Variants in PRMT2 observed in about 807,000 individuals in gnomAD.
PRMT2 encodes protein arginine methyltransferase 2.
A neutral mutation model predicts 57.6 loss-of-function variants in PRMT2; 26 were observed. The ratio of observed to expected loss-of-function variants is 0.45; its 90% confidence interval spans 0.33 to 0.63. PRMT2 has a LOEUF of 0.63. Ranked by LOEUF, PRMT2 falls within the 20% of genes least tolerant of loss-of-function variation. The pLI is 0.02. For missense variants in PRMT2, 472 were observed against 564.4 expected (o/e 0.84, Z 1.66); for synonymous variants, 219 against 220.0 (o/e 1.00, Z 0.04).
intron 3 of PRMT2, among the ~76,000 whole-genome samples, chr21:46,639,370 T>C (rs750821950): frequency 1.4e-4 from 21 of 152,172 alleles, no homozygotes; most frequent in Non-Finnish European, 2.9e-4. Flanking sequence ...AAATGTGTTA[T>C]TAGTATTGTT....
intron 7 of PRMT2, chr21:46,653,324 A>C (rs2148991032): frequency 1.0e-6 from 1 of 985,474 alleles, no homozygotes; most frequent in Middle Eastern, 5.2e-4. Flanking sequence ...GTGGCCAGTA[A>C]GAATTTAATT....
In PRMT2 at chr21:46,652,502, T is replaced by G; in HGVS notation, c.654+2763T>G. 4.1e-6 allele frequency: 4 copies of G among 985,408 alleles called. No individual in the cohort carries two copies. The South Asian group carries it at 1.9e-4, about 46-fold the overall frequency. 61.0% of individuals were successfully genotyped at this position (985,408 alleles called of 1,614,324 possible). A position where few individuals can be genotyped will look rare whatever the true frequency, so the allele number is the denominator to read the frequency against. On this transcript the variant is annotated intron_variant, in intron 7 of 11. Coordinates refer to ENST00000355680, the MANE Select transcript of PRMT2 (RefSeq NM_206962.4). Reference sequence around the variant, plus strand: ...ATGCCAGAGGCCAGGAGCTTGAACGTTGTTCAATGCCACCAACAATTTGAA... The same window carrying G: ...ATGCCAGAGGCCAGGAGCTTGAACGGTGTTCAATGCCACCAACAATTTGAA...
chr21:46,659,913 A>G, intron 8 of PRMT2: 1 of 985,468 alleles, frequency 1.0e-6, no homozygotes, highest in Non-Finnish European at 1.2e-6. Flanking sequence ...AAAGCTTGGC[A>G]GAATAAACCG....
At chr21:46,654,547 A>G (rs1468282731) in intron 7 of PRMT2, among the ~76,000 whole-genome samples, 2 of 152,228 alleles carry the variant, frequency 1.3e-5, no homozygotes, top group Non-Finnish European at 2.9e-5. Context: ...GAAGACAAGA[A>G]TTTGAAGTAC....
Position 46,648,624 on chromosome 21 carries a change from G to A in PRMT2, c.489+5G>A, listed in dbSNP as rs1253145086. On this transcript the variant is annotated splice_donor_5th_base_variant and intron_variant, in intron 6 of 11. Transcript: ENST00000355680. The surrounding 1 kb of genome is among the most constrained non-coding windows in gnomAD (Gnocchi z 4.8). ...CACTATGCGCGGCCTAGAGCGGTGAGTGGGGTCTCGAGCGCATCCCGGGTG... is the reference window on the plus strand; with the variant it reads ...CACTATGCGCGGCCTAGAGCGGTGAATGGGGTCTCGAGCGCATCCCGGGTG... The A allele has an allele frequency of 6.2e-7, 1 of 1,611,068 alleles. No homozygotes were observed. The highest frequency in any genetic ancestry group is 2.2e-5 in the East Asian group (1 of 44,778).
chr21:46,660,401 C>T (rs1403170348), intron 8 of PRMT2, among the ~76,000 whole-genome samples: 2 of 152,234 alleles, frequency 1.3e-5, no homozygotes. Context: ...AGCAGGAATA[C>T]CGCGTTCATT....
intron 8 of PRMT2, chr21:46,660,098 T>G (rs2149000633): frequency 2.1e-6 from 2 of 971,282 alleles, no homozygotes; most frequent in South Asian, 9.5e-5. Flanking sequence ...AAAATAAATG[T>G]GTAAATATAG....
intron 7 of PRMT2, chr21:46,652,175 C>T: frequency 7.0e-7 from 1 of 1,423,744 alleles, no homozygotes; most frequent in Non-Finnish European, 9.2e-7. Flanking sequence ...CTAAAATAAA[C>T]CTCAGATGGG....
intron 7 of PRMT2, among the ~76,000 whole-genome samples, chr21:46,656,184 C>T (rs917889121): frequency 2.6e-5 from 4 of 152,170 alleles, no homozygotes; most frequent in African/African-American, 9.7e-5. Context: ...CGCCCACTTG[C>T]CTCTGCTCCC....
At chr21:46,653,460 A>G in intron 7 of PRMT2, 2 of 1,000,758 alleles carry the variant, frequency 2.0e-6, no homozygotes, top group East Asian at 2.2e-4. Flanking sequence ...TATTTGCTTT[A>G]TTTACACAAC....
intron 7 of PRMT2, among the ~76,000 whole-genome samples, chr21:46,650,087 C>T (rs1420474337): frequency 2.6e-5 from 4 of 152,212 alleles, no homozygotes; most frequent in Non-Finnish European, 5.9e-5. Context: ...AGGGTCTCCT[C>T]GCCTTAGACT....
intron 5 of PRMT2, among the ~76,000 whole-genome samples, chr21:46,647,318 G>A (rs2061379414): frequency 1.3e-5 from 2 of 152,050 alleles, no homozygotes; most frequent in Admixed American, 1.3e-4. Context: ...AATTTGTGAA[G>A]TTTTGTGACT....
intron 10 of PRMT2, among the ~76,000 whole-genome samples, chr21:46,662,767 A>C (rs1220534397): frequency 6.6e-6 from 1 of 152,196 alleles, no homozygotes; most frequent in Non-Finnish European, 1.5e-5. Context: ...TGAGGAACTT[A>C]GAGATGTTTC....
At chr21:46,645,496 T>C (rs2061350552) in intron 5 of PRMT2, among the ~76,000 whole-genome samples, 1 of 152,054 alleles carries the variant, frequency 6.6e-6, no homozygotes, top group Non-Finnish European at 1.5e-5. Context: ...AGCTTCTAAA[T>C]AGCTTACCGA....
intron 8 of PRMT2, among the ~76,000 whole-genome samples, chr21:46,660,332 GACTC>G (rs1245788899): frequency 1.3e-5 from 2 of 152,196 alleles, no homozygotes; most frequent in Admixed American, 1.3e-4. Flanking sequence ...CTGAAACTCA[GACTC>G]ACTCAGGCCA....
intron 8 of PRMT2, 122 bp downstream of exon 8, chr21:46,659,042 C>G (rs2148999075): frequency 6.9e-7 from 1 of 1,451,610 alleles, no homozygotes; most frequent in Non-Finnish European, 9.1e-7. Flanking sequence ...ACCTGTGCAC[C>G]CAGATAGGAC....
intron 5 of PRMT2, 68 bp downstream of exon 5, chr21:46,644,556 C>A: frequency 6.8e-7 from 1 of 1,460,544 alleles, no homozygotes; most frequent in Non-Finnish European, 9.2e-7. Context: ...AGTTCTACTG[C>A]AACGTTCAGA....
rs149192937 is a variant in PRMT2, at chr21:46,661,647, G to A, written c.961-153G>A. 7.2e-5 allele frequency: 48 copies of A among 666,136 alleles called. No individual in the cohort carries two copies. The East Asian group carries it at 1.4e-3, about 20-fold the overall frequency. The allele number at this position is 666,136 out of a possible 1,614,324, so 41.3% of individuals were successfully genotyped here. A position where few individuals can be genotyped will look rare whatever the true frequency, so the allele number is the denominator to read the frequency against. ...ACTGAAGCCTCTGAACTCACGATGC[G>A]GGTTTTGGGGGTGGTTTCCCCAGGC... On this transcript the variant is annotated intron_variant, in intron 9 of 11. Coordinates refer to ENST00000355680, the MANE Select transcript of PRMT2 (RefSeq NM_206962.4).
At chr21:46,642,235 G>A (rs1183691447) in intron 3 of PRMT2, among the ~76,000 whole-genome samples, 1 of 152,206 alleles carries the variant, frequency 6.6e-6, no homozygotes, top group South Asian at 2.1e-4. Context: ...AATGATTTAT[G>A]TTGAAAGAAG....
Sources: gnomAD v4.1 joint callset for allele counts (sites outside exome capture counted in the v4.1 genomes callset) on GRCh38, gnomAD v4.1.1 for gene constraint, Gnocchi (gnomAD v3.1) non-coding constraint, MANE v1.5 for transcripts, NCBI Gene and HGNC (gene_info 2026-07-23, HGNC 2026-07-21) for gene names.